MGA: variants seen among roughly 807,000 people sequenced by gnomAD.
The protein encoded by MGA is MAX dimerization protein MGA, also known as MAX gene-associated protein.
MGA carries 40 observed loss-of-function variants against 261.1 expected under a neutral mutation model. That is an observed-to-expected ratio of 0.15 (90% CI 0.12 to 0.20). The LOEUF is 0.20. MGA is among the 10% of genes least tolerant of loss of function. The pLI is 1.00. For synonymous variants in MGA, 1,302 were observed against 1,290.6 expected, an observed-to-expected ratio of 1.01 and a Z score of -0.19; for missense variants, 3,397 against 3,630.5, an observed-to-expected ratio of 0.94 and a Z score of 1.65.
At chr15:41,743,982 T>A (rs74632327) in intron 15 of MGA, among the ~76,000 whole-genome samples, 4,945 of 152,250 alleles carry the variant, frequency 0.032, 132 homozygotes, top group South Asian at 0.07. Flanking sequence ...GGAACTAATA[T>A]GGAAAAGAGC....
intron 1 of MGA, among the ~76,000 whole-genome samples, chr15:41,650,259 G>T (rs1026445078): frequency 1.3e-5 from 2 of 152,122 alleles, no homozygotes; most frequent in African/African-American, 4.8e-5. Context: ...TGTTTGACTT[G>T]AGGAATTAAT....
At chr15:41,705,481 T>G (rs1397789061) in intron 5 of MGA, among the ~76,000 whole-genome samples, 1 of 152,038 alleles carries the variant, frequency 6.6e-6, no homozygotes, top group African/African-American at 2.4e-5. Context: ...CCCACCTCAG[T>G]CTTCTGAGTA....
At position 41,736,307 on chromosome 15, in the gene MGA, G is replaced by A. The variant is rs1235413512; in HGVS notation, c.4043G>A (p.Arg1348Gln). The A allele has an allele frequency of 6.2e-7, 1 of 1,613,958 alleles. No homozygotes were observed. Among genetic ancestry groups the A allele is most frequent in the Non-Finnish European group, 8.5e-7 (1 of 1,179,884 alleles). ...TCAGACTGCAACTGGGAGGAAGATC[G>A]GAACAAGATTTTGAGCATCTTATCC... Residue 1348 changes from arginine to glutamine, a missense_variant, in exon 13 of 24, where the codon CGG (arginine) becomes CAG (glutamine). Around this residue, in one of 9 missense-constraint regions of MGA, gnomAD observed 1,410 missense variants for 1,386.4 expected, o/e 1.02. Transcript: ENST00000219905.
At chr15:41,670,717 A>T (rs2058007280) in intron 2 of MGA, among the ~76,000 whole-genome samples, 1 of 152,112 alleles carries the variant, frequency 6.6e-6, no homozygotes, top group African/African-American at 2.4e-5. Flanking sequence ...TGTGTTAGCC[A>T]GGATGGTCTC....
Position 41,669,819 on chromosome 15 carries a change from C to T in MGA, c.925C>T (p.Pro309Ser), listed in dbSNP as rs1372108373. 1 of 1,613,934 alleles carries T rather than the reference C, an allele frequency of 6.2e-7. No individual in the cohort carries two copies. Among genetic ancestry groups the T allele is most frequent in the South Asian group, 1.1e-5 (1 of 91,064 alleles). ...AGAGATACAACCAGGTGATTTGGAT[C>T]CTTTGTCAAGGGGTCATGAAACATC... is the stretch of plus-strand genomic sequence containing the variant. The change falls in exon 2 of 24, where the codon CCT becomes TCT. Residue 309 changes from proline (P) to serine (S), a missense_variant. Transcript: ENST00000219905.
upstream of MGA, among the ~76,000 whole-genome samples, chr15:41,657,752 A>C (rs1209551828): frequency 6.6e-6 from 1 of 151,834 alleles, no homozygotes. Context: ...AATGTTCTTT[A>C]TTATATTGAT....
At chr15:41,733,084 G>C (rs117797670) in intron 11 of MGA, among the ~76,000 whole-genome samples, 1 of 152,014 alleles carries the variant, frequency 6.6e-6, no homozygotes, top group Non-Finnish European at 1.5e-5. Flanking sequence ...TCAGTCTCCC[G>C]AGTAGCTGGC....
intron 19 of MGA, among the ~76,000 whole-genome samples, chr15:41,758,598 A>G (rs2063277243): frequency 6.6e-6 from 1 of 152,186 alleles, no homozygotes; most frequent in Admixed American, 6.5e-5. Flanking sequence ...AATTTTCATA[A>G]TAGCTTATTT....
At chr15:41,752,649 G>A (rs1347862462) in intron 17 of MGA, among the ~76,000 whole-genome samples, 1 of 148,140 alleles carries the variant, frequency 6.8e-6, no homozygotes, top group Admixed American at 6.9e-5. Context: ...CTGCCTTCTC[G>A]GTTCAAGCGA....
chr15:41,641,657 T>C (rs888048005), intron 1 of MGA, among the ~76,000 whole-genome samples: 12 of 150,956 alleles, frequency 7.9e-5, no homozygotes, highest in African/African-American at 2.4e-4. Context: ...GCCCAGCTAA[T>C]TTTTGTATTT....
At chr15:41,760,204 T>G in intron 19 of MGA, 119 bp from the exon 20 acceptor site, 4 of 881,828 alleles carry the variant, frequency 4.5e-6, no homozygotes, top group Non-Finnish European at 7.4e-6. Flanking sequence ...ATTGAGAGGC[T>G]GTTACAACAG....
chr15:41,718,472 T>G, intron 9 of MGA: 1 of 761,382 alleles, frequency 1.3e-6, no homozygotes, highest in South Asian at 1.7e-5. Context: ...GTACAATTTG[T>G]GAGTCCACAG....
chr15:41,678,894 ATATGTT>A (rs1281538277), intron 2 of MGA, among the ~76,000 whole-genome samples: 2 of 152,112 alleles, frequency 1.3e-5, no homozygotes, highest in East Asian at 1.9e-4. Context: ...CTGTTCGCCT[ATATGTT>A]TATGTTTATC....
chr15:41,633,576 C>T (rs1385500985), intron 1 of MGA, among the ~76,000 whole-genome samples: 1 of 152,002 alleles, frequency 6.6e-6, no homozygotes, highest in Non-Finnish European at 1.5e-5. Flanking sequence ...GATTGAGCCA[C>T]AATACTTGGC....
At chr15:41,737,619 A>G (rs559860497) in intron 13 of MGA, among the ~76,000 whole-genome samples, 1 of 152,326 alleles carries the variant, frequency 6.6e-6, no homozygotes, top group South Asian at 2.1e-4. Context: ...CGCAGGTTGT[A>G]TTAGTAAAAT....
At chr15:41,710,366 A>G (rs773517208) in intron 7 of MGA, among the ~76,000 whole-genome samples, 14 of 152,108 alleles carry the variant, frequency 9.2e-5, no homozygotes, top group Admixed American at 2.6e-4. Flanking sequence ...CATTCTCTTC[A>G]CTTGGTTTTA....
chr15:41,678,155 ATCTCGAC>A (rs2058481121), intron 2 of MGA, among the ~76,000 whole-genome samples: 1 of 146,872 alleles, frequency 6.8e-6, no homozygotes, highest in South Asian at 2.1e-4. Context: ...CAGTGGTGTG[ATCTCGAC>A]TCACTGCAAC....
At chr15:41,697,758 A>G (rs897489179) in intron 3 of MGA, among the ~76,000 whole-genome samples, 6 of 151,978 alleles carry the variant, frequency 3.9e-5, no homozygotes, top group Non-Finnish European at 7.4e-5. Context: ...GGAGAACCAA[A>G]TATTAACAGT....
chr15:41,676,175 C>T lies in MGA; in HGVS notation c.1064+6217C>T, dbSNP rs117449733. 5.1e-3 allele frequency among the ~76,000 whole-genome samples: 776 copies of T among 152,170 alleles called. 50 individuals carry two copies. In the East Asian group the frequency reaches 0.13, roughly 25 times the overall value. ...AGAATGACATTATTATAGAGAGAGTCACTCTGGTTTGATTTTTTTTTTTTT... is the reference window on the plus strand; with the variant it reads ...AGAATGACATTATTATAGAGAGAGTTACTCTGGTTTGATTTTTTTTTTTTT... On this transcript the variant is annotated intron_variant, in intron 2 of 23. Transcript: ENST00000219905.
Sources: gnomAD v4.1 joint callset for allele counts (sites outside exome capture counted in the v4.1 genomes callset) on GRCh38, gnomAD v4.1.1 for gene constraint, gnomAD v4.1.1 regional missense constraint, MANE v1.5 for transcripts, NCBI Gene and HGNC (gene_info 2026-07-23, HGNC 2026-07-21) for gene names.